ZNF546: variants seen among roughly 807,000 people sequenced by gnomAD.
ZNF546 encodes zinc finger protein 546.
Under a neutral mutation model 76.2 loss-of-function variants are expected in ZNF546, and 60 were observed. That is an observed-to-expected ratio of 0.79 (90% CI 0.64 to 0.98). ZNF546 has a LOEUF of 0.98. Among genes scored for constraint, ZNF546 ranks in the 50% least tolerant of loss-of-function variants. The pLI, the probability that ZNF546 is intolerant of heterozygous loss-of-function variation, is 0.00. For missense variants in ZNF546, 936 were observed against 1,035.6 expected, an observed-to-expected ratio of 0.90 and a Z score of 1.32; for synonymous variants, 277 against 328.1, an observed-to-expected ratio of 0.84 and a Z score of 1.68.
Position 40,015,565 on chromosome 19 carries a change from T to C in ZNF546, c.2295T>C (p.Thr765=). ...GNAFRLQAEL[T]RHHIVHTGEK... is the part of the protein sequence containing the mutation. Reference sequence around the variant, plus strand: ...CCTTTCGTCTTCAAGCAGAACTTACTCGACATCACATAGTTCACACGGGTG... The same window carrying C: ...CCTTTCGTCTTCAAGCAGAACTTACCCGACATCACATAGTTCACACGGGTG... Residue 765 remains threonine, a synonymous_variant, in exon 7 of 7, where the codon ACT becomes ACC. Transcript: ENST00000347077. 1 of 1,614,058 alleles carries C rather than the reference T, an allele frequency of 6.2e-7. No homozygotes were observed. The highest frequency in any genetic ancestry group is 8.5e-7 in the Non-Finnish European group (1 of 1,180,016).
At chr19:40,006,334 A>G in intron 4 of ZNF546, 152 bp downstream of exon 4, 2 of 650,998 alleles carry the variant, frequency 3.1e-6, no homozygotes, top group Non-Finnish European at 5.3e-6. Context: ...ATAGTGCCAA[A>G]TAGCCTAGTG....
At chr19:39,997,442 C>T (rs548218553) in intron 1 of ZNF546, among the ~76,000 whole-genome samples, 20 of 152,286 alleles carry the variant, frequency 1.3e-4, no homozygotes, top group African/African-American at 4.8e-4. Context: ...TGACCCTCTA[C>T]CCTCCTCACG....
intron 6 of ZNF546, among the ~76,000 whole-genome samples, chr19:40,009,947 A>G (rs1971651824): frequency 6.6e-6 from 1 of 151,846 alleles, no homozygotes; most frequent in Admixed American, 6.5e-5. Flanking sequence ...AGTTATTTCC[A>G]GTGTTTGGCT....
intron 5 of ZNF546, among the ~76,000 whole-genome samples, chr19:40,008,048 A>C (rs891477084): frequency 6.6e-6 from 1 of 152,156 alleles, no homozygotes; most frequent in Non-Finnish European, 1.5e-5. Context: ...TGCATATATT[A>C]ATTCATTTAA....
intron 6 of ZNF546, among the ~76,000 whole-genome samples, chr19:40,012,346 T>C (rs1474774090): frequency 1.3e-5 from 2 of 152,218 alleles, no homozygotes; most frequent in African/African-American, 4.8e-5. Flanking sequence ...TTGTTCCCTT[T>C]CAGAAGGGAA....
In ZNF546 at chr19:40,015,086, G is replaced by GA. The variant is rs1971740393; in HGVS notation, c.1821dup (p.Pro608ThrfsTer5). On this transcript the variant is annotated frameshift_variant, in exon 7 of 7. Coordinates refer to ENST00000347077, the MANE Select transcript of ZNF546 (RefSeq NM_178544.5). LOFTEE classifies it high-confidence loss of function. Reference sequence around the variant, plus strand: ...TCAACATTTTAAAATTCATACTGGTGAAAAACCCTACATATGTAATGAATG... The same window carrying GA: ...TCAACATTTTAAAATTCATACTGGTGAAAAAACCCTACATATGTAATGAATG... The GA allele has an allele frequency of 6.2e-7, 1 of 1,613,996 alleles. No homozygotes were observed. The highest frequency in any genetic ancestry group is 8.5e-7 in the Non-Finnish European group (1 of 1,179,946).
chr19:40,000,937 G>A (rs1417885258), intron 3 of ZNF546, among the ~76,000 whole-genome samples: 1 of 151,966 alleles, frequency 6.6e-6, no homozygotes, highest in African/African-American at 2.4e-5. Flanking sequence ...CCCTAATGTG[G>A]AATCAGTGGG....
intron 6 of ZNF546, among the ~76,000 whole-genome samples, chr19:40,011,978 AATT>A (rs1418767993): frequency 6.6e-6 from 1 of 152,184 alleles, no homozygotes; most frequent in East Asian, 1.9e-4. Context: ...TGGGGGCCAC[AATT>A]CAACCTACTA....
rs1971829867 is a variant in ZNF546 at position 40,019,710 on chromosome 19, A to C, written c.*3929A>C. 6.6e-6 allele frequency: 1 copy of C among 152,248 alleles called. No homozygotes were observed. The allele number at this position is 152,248 out of a possible 1,614,324, so 9.4% of individuals were successfully genotyped here. A position where few individuals can be genotyped will look rare whatever the true frequency, so the allele number is the denominator to read the frequency against. On this transcript the variant is annotated 3_prime_UTR_variant, in exon 7 of 7. Transcript: ENST00000347077. The stretch of plus-strand genomic sequence containing the variant: ...AAATGTAGGTGAGTCATTACGAAGA[A>C]AGCAGAAATTCTAAACCATCAGCAC...
At chr19:40,012,552 A>G (rs1971685727) in intron 6 of ZNF546, among the ~76,000 whole-genome samples, 1 of 152,120 alleles carries the variant, frequency 6.6e-6, no homozygotes, top group Non-Finnish European at 1.5e-5. Flanking sequence ...ATCAATGGTA[A>G]TATGTTTGGG....
At position 40,007,340 on chromosome 19, in the gene ZNF546, G is replaced by C; in HGVS notation, c.238G>C (p.Val80Leu). 1.9e-6 allele frequency: 3 copies of C among 1,607,830 alleles called. No individual in the cohort carries two copies. The highest frequency in any genetic ancestry group is 1.7e-6 in the Non-Finnish European group (2 of 1,176,352). ...AGAGGAGTGGGAGTGCCTGGACGCT[G>C]TGCAGAGGGACTTGTACAAGGATGT... ...SQEEWECLDA[V>L]QRDLYKDVML... Residue 80 changes from valine (V) to leucine (L), a missense_variant, in exon 5 of 7, where the codon GTG becomes CTG. Val to Leu is a conservative substitution (Grantham distance 32, BLOSUM62 1). Coordinates refer to ENST00000347077, the MANE Select transcript of ZNF546 (RefSeq NM_178544.5).
In ZNF546 at chr19:40,008,528, G is replaced by T. The variant is rs367562674; in HGVS notation, c.357G>T (p.Trp119Cys). 9.9e-6 allele frequency: 16 copies of T among 1,613,162 alleles called. No individual in the cohort carries two copies. The Admixed American group carries it at 2.7e-4, about 27-fold the overall frequency. The change falls in exon 6 of 7, where the codon TGG becomes TGT. Residue 119 changes from tryptophan (W) to cysteine (C), a missense_variant. By Grantham distance (215) the Trp-to-Cys change is radical (BLOSUM62 -2). Coordinates refer to ENST00000347077, the MANE Select transcript of ZNF546 (RefSeq NM_178544.5). The stretch of plus-strand genomic sequence containing the variant: ...TATTGGAGCAAGAGAAAGAGCCCTG[G>T]ATAGTAATGAGGGAAGGGACAAGGA... ...ITLLEQEKEP[W>C]IVMREGTRNW...
chr19:40,015,176 C>T lies in ZNF546; in HGVS notation c.1906C>T (p.Pro636Ser), dbSNP rs376915337. 6.2e-7 allele frequency: 1 copy of T among 1,613,902 alleles called. No individual in the cohort carries two copies. Among genetic ancestry groups the T allele is most frequent in the East Asian group, 2.2e-5 (1 of 44,846 alleles). The part of the protein sequence containing the change: ...QHHRIHTGEK[P>S]YKCTECGKAF... Reference sequence around the variant, plus strand: ...TCACAGAATTCATACTGGTGAAAAACCCTATAAATGTACAGAATGTGGGAA... The same window carrying T: ...TCACAGAATTCATACTGGTGAAAAATCCTATAAATGTACAGAATGTGGGAA... Residue 636 changes from proline (P) to serine (S), a missense_variant, in exon 7 of 7, where the codon CCC (proline) becomes TCC (serine). Pro to Ser is a moderately conservative substitution (Grantham distance 74). Transcript: ENST00000347077.
rs1190534676 is a variant in ZNF546 at position 40,019,661 on chromosome 19, A to G, written c.*3880A>G. ...TATTATAATCCTGATAATACAACAG[A>G]TGAGGATAGTTCTTAAAAGGCAAAA... On this transcript the variant is annotated 3_prime_UTR_variant, in exon 7 of 7. Coordinates refer to ENST00000347077, the MANE Select transcript of ZNF546 (RefSeq NM_178544.5). The G allele has an allele frequency of 6.6e-6, 1 of 152,216 alleles. No individual in the cohort carries two copies. The highest frequency in any genetic ancestry group is 1.5e-5 in the Non-Finnish European group (1 of 68,036). The allele number at this position is 152,216 out of a possible 1,614,324, so 9.4% of individuals were successfully genotyped here.
Position 40,007,332 on chromosome 19 carries a change from T to G in ZNF546, c.230T>G (p.Leu77Arg). 1 of 1,607,624 alleles carries G rather than the reference T, an allele frequency of 6.2e-7. No homozygotes were observed. The highest frequency in any genetic ancestry group is 8.5e-7 in the Non-Finnish European group (1 of 1,176,188). Residue 77 changes from leucine to arginine, a missense_variant, in exon 5 of 7, where the codon CTG becomes CGG. Coordinates refer to ENST00000347077, the MANE Select transcript of ZNF546 (RefSeq NM_178544.5). ...IDLSQEEWEC[L>R]DAVQRDLYKD... ...CTCTCCCAAGAGGAGTGGGAGTGCCTGGACGCTGTGCAGAGGGACTTGTAC... is the reference window on the plus strand; with the variant it reads ...CTCTCCCAAGAGGAGTGGGAGTGCCGGGACGCTGTGCAGAGGGACTTGTAC...
chr19:40,003,386 A>T (rs1381314191), intron 3 of ZNF546, among the ~76,000 whole-genome samples: 1 of 152,166 alleles, frequency 6.6e-6, no homozygotes, highest in African/African-American at 2.4e-5. Context: ...ACAATTTCAT[A>T]CCTTAAGTTT....
In ZNF546 at chr19:40,006,119, C is replaced by G. The variant is rs766009886; in HGVS notation, c.108C>G (p.Cys36Trp). 5 of 1,613,916 alleles carry G rather than the reference C, an allele frequency of 3.1e-6. No individual in the cohort carries two copies. In the African/African-American group the frequency reaches 6.7e-5, roughly 22 times the overall value. Reference sequence around the variant, plus strand: ...AGCCCCGGTTTCTCTGGATTCTGTGCTTCTCCATGGAGGAAACTCAAGGAG... The same window carrying G: ...AGCCCCGGTTTCTCTGGATTCTGTGGTTCTCCATGGAGGAAACTCAAGGAG... ...SIMPRFLWIL[C>W]FSMEETQGEL... The change falls in exon 4 of 7, where the codon TGC becomes TGG. Residue 36 changes from cysteine (C) to tryptophan (W), a missense_variant. By Grantham distance (215) the Cys-to-Trp change is radical. Coordinates refer to ENST00000347077, the MANE Select transcript of ZNF546 (RefSeq NM_178544.5).
chr19:40,005,989 G>T (rs1599740628), intron 3 of ZNF546, 107 bp from the exon 4 acceptor site: 6 of 957,156 alleles, frequency 6.3e-6, no homozygotes, highest in Middle Eastern at 2.1e-4. Context: ...GCGCAGAATG[G>T]TGGGGTTGGA....
intron 3 of ZNF546, among the ~76,000 whole-genome samples, chr19:40,002,698 CTTTT>C (rs34367306): frequency 7.1e-6 from 1 of 140,234 alleles, no homozygotes. Flanking sequence ...GGGAAACTAA[CTTTT>C]TTTTTTTTTT....
Sources: gnomAD v4.1 joint callset for allele counts (sites outside exome capture counted in the v4.1 genomes callset) on GRCh38, gnomAD v4.1.1 for gene constraint, MANE v1.5 for transcripts, NCBI Gene and HGNC (gene_info 2026-07-23, HGNC 2026-07-21) for gene names.